The following CAPN3 variants were observed in gnomAD, a reference collection of about 807,000 sequenced individuals.
The protein encoded by CAPN3 is calpain-3.
CAPN3 carries 88 observed loss-of-function variants against 114.0 expected under a neutral mutation model. That is an observed-to-expected ratio of 0.77 (90% CI 0.65 to 0.92). CAPN3 has a LOEUF of 0.92. Among genes scored for constraint, CAPN3 ranks in the 40% least tolerant of loss-of-function variants. The probability of loss-of-function intolerance (pLI) is 0.00; values close to 1 mark genes in which losing one functional copy is unlikely to be tolerated. For missense variants in CAPN3, 1,028 were observed against 1,069.0 expected (o/e 0.96, Z 0.53); for synonymous variants, 386 against 382.9 (o/e 1.01, Z -0.09).
At chr15:42,375,765 A>G (rs748741877) in intron 1 of CAPN3, among the ~76,000 whole-genome samples, 10 of 152,236 alleles carry the variant, frequency 6.6e-5, no homozygotes, top group Non-Finnish European at 1.3e-4. Context: ...AACATCTTGC[A>G]TTAGTACAGT....
intron 8 of CAPN3, among the ~76,000 whole-genome samples, chr15:42,395,079 T>C (rs1267539394): frequency 6.6e-6 from 1 of 152,176 alleles, no homozygotes; most frequent in Non-Finnish European, 1.5e-5. Context: ...CCTGTACTTA[T>C]ATACTGCTGG....
intron 8 of CAPN3, 83 bp from the exon 9 acceptor site, chr15:42,396,715 TTG>T (rs2053703984): frequency 9.5e-7 from 1 of 1,058,120 alleles, no homozygotes; most frequent in Non-Finnish European, 1.5e-6. Context: ...CTGCAACTCT[TTG>T]TATTTCTCTG....
In CAPN3 at chr15:42,394,255, G is replaced by A. The variant is rs1555421263; in HGVS notation, c.1030-1G>A. 1 of 1,555,788 alleles carries A rather than the reference G, an allele frequency of 6.4e-7. No individual in the cohort carries two copies. Among genetic ancestry groups the A allele is most frequent in the Non-Finnish European group, 8.7e-7 (1 of 1,149,072 alleles). On this transcript the variant is annotated splice_acceptor_variant, in intron 7 of 23. Transcript: ENST00000397163. LOFTEE classifies it high-confidence loss of function. Reference sequence around the variant, plus strand: ...ATGAGAGCTCTTTCTGTGTGCTTAAGGTCCCGTTCAAAGGTGAGAAAGTGA... The same window carrying A: ...ATGAGAGCTCTTTCTGTGTGCTTAAAGTCCCGTTCAAAGGTGAGAAAGTGA...
Position 42,401,661 on chromosome 15 carries a change from C to G in CAPN3, c.1375C>G (p.Gln459Glu), listed in dbSNP as rs773631149. Residue 459 changes from glutamine (Q) to glutamate (E), a missense_variant, in exon 11 of 24, where the codon CAG becomes GAG. Transcript: ENST00000397163. Reference sequence around the variant, plus strand: ...TGCAGATACTTTCTGGACCAACCCTCAGTACCGTCTGAAGCTCCTGGAGGA... The same window carrying G: ...TGCAGATACTTTCTGGACCAACCCTGAGTACCGTCTGAAGCTCCTGGAGGA... Reference protein sequence around the residue: ...NFPDTFWTNPQYRLKLLEEDD... With the variant: ...NFPDTFWTNPEYRLKLLEEDD... The G allele has an allele frequency of 1.2e-6, 2 of 1,614,210 alleles. No homozygotes were observed. Among genetic ancestry groups the G allele is most frequent in the East Asian group, 4.5e-5 (2 of 44,882 alleles).
chr15:42,380,747 ATATATTTT>A lies in CAPN3; in HGVS notation c.310-3734_310-3727del, dbSNP rs2095246437. Reference sequence around the variant, plus strand: ...CTTCCCCATATATATATATATATATATATATTTTTTTTTTTTTTTTTTTTGTAAAGATG... The same window carrying A: ...CTTCCCCATATATATATATATATATATTTTTTTTTTTTTTTTGTAAAGATG... On this transcript the variant is annotated intron_variant, in intron 1 of 23. Coordinates refer to ENST00000397163, the MANE Select transcript of CAPN3 (RefSeq NM_000070.3). 8.5e-5 allele frequency among the ~76,000 whole-genome samples: 5 copies of A among 58,516 alleles called. No homozygotes were observed. In the South Asian group the frequency reaches 2.8e-3, roughly 32 times the overall value. 38.4% of individuals were successfully genotyped at this position (58,516 alleles called of 152,430 possible). A position where few individuals can be genotyped will look rare whatever the true frequency, so the allele number is the denominator to read the frequency against.
intron 14 of CAPN3, among the ~76,000 whole-genome samples, 162 bp from the exon 15 acceptor site, chr15:42,405,764 C>T (rs1190104042): frequency 1.3e-5 from 2 of 152,138 alleles, no homozygotes; most frequent in Non-Finnish European, 2.9e-5. Flanking sequence ...CTTCTCCCTT[C>T]ACCCTCCATG....
At chr15:42,385,578 C>A in intron 2 of CAPN3, 1 of 481,050 alleles carries the variant, frequency 2.1e-6, no homozygotes, top group South Asian at 1.5e-5. Context: ...CAAAGTGTTA[C>A]CTCCAACTAC....
intron 12 of CAPN3, 91 bp from the exon 13 acceptor site, chr15:42,402,703 G>A (rs1326561864): frequency 1.9e-6 from 3 of 1,577,944 alleles, no homozygotes; most frequent in Non-Finnish European, 2.6e-6. Context: ...GGTGACCAGG[G>A]AGTTGGGAAG....
At chr15:42,408,382 G>T (rs557801318) in intron 16 of CAPN3, 58 bp downstream of exon 16, 1 of 1,069,328 alleles carries the variant, frequency 9.4e-7, no homozygotes, top group Non-Finnish European at 1.5e-6. Context: ...CTTCCTATGC[G>T]CTTGGGATAC....
At chr15:42,409,219 G>A (rs1475713730) in intron 16 of CAPN3, 84 bp from the exon 17 acceptor site, 7 of 1,288,224 alleles carry the variant, frequency 5.4e-6, no homozygotes, top group African/African-American at 4.4e-5. Context: ...TTAGGCACTT[G>A]GCTCCCTTGG....
chr15:42,400,920 G>A lies in CAPN3; in HGVS notation c.1355-721G>A, dbSNP rs28364480. 1.4e-4 allele frequency among the ~76,000 whole-genome samples: 22 copies of A among 151,754 alleles called. 1 individual carries two copies. The South Asian group carries it at 3.5e-3, about 24-fold the overall frequency. On this transcript the variant is annotated intron_variant, in intron 10 of 23. Transcript: ENST00000397163. ...GAATAAAGGAAAGAAGAGGCCAGAC[G>A]TGGTGGCTTATGCCTGTAATCCCAG...
Position 42,412,033 on chromosome 15 carries a change from TGGTCCGAGCCGC to T in CAPN3, c.*261_*272del. The T allele has an allele frequency of 6.6e-7, 1 of 1,514,766 alleles. No homozygotes were observed. Among genetic ancestry groups the T allele is most frequent in the Non-Finnish European group, 8.8e-7 (1 of 1,136,228 alleles). 93.8% of individuals were successfully genotyped at this position (1,514,766 alleles called of 1,614,324 possible). ...CCATGTGGAGGAAAGTGCCTGCCTC[TGGTCCGAGCCGC>T]CTCGGTTCTGAAGCGAGTGCTCCTG... is the stretch of plus-strand genomic sequence containing the variant. On this transcript the variant is annotated 3_prime_UTR_variant, in exon 24 of 24. Transcript: ENST00000397163.
In CAPN3 at chr15:42,404,718, G is replaced by A. The variant is rs917368807; in HGVS notation, c.1782+941G>A. On this transcript the variant is annotated intron_variant, in intron 14 of 23. Coordinates refer to ENST00000397163, the MANE Select transcript of CAPN3 (RefSeq NM_000070.3). ...GTCCTTTGTGCTCTGTGGGGATGAC[G>A]TAGGCCAATGGGAGGACAAATGCCC... 46 of 1,163,794 alleles carry A rather than the reference G, an allele frequency of 4.0e-5. No individual in the cohort carries two copies. The East Asian group carries it at 7.2e-4, about 18-fold the overall frequency. The allele number at this position is 1,163,794 out of a possible 1,614,324, so 72.1% of individuals were successfully genotyped here. A position where few individuals can be genotyped will look rare whatever the true frequency, so the allele number is the denominator to read the frequency against.
At chr15:42,404,656 T>C in intron 14 of CAPN3, 1 of 1,185,986 alleles carries the variant, frequency 8.4e-7, no homozygotes, top group Non-Finnish European at 1.1e-6. Context: ...AGGAGTCTTG[T>C]GACTGCCTTG....
Position 42,359,978 on chromosome 15 carries a change from A to G in CAPN3, c.173A>G (p.Glu58Gly), listed in dbSNP as rs2052596804. The part of the protein sequence containing the change: ...SRNFPIIGVK[E>G]KTFEQLHKKC... ...AATTTTCCTATTATCGGAGTGAAAG[A>G]GAAGACATTCGAGCAACTTCACAAG... Residue 58 changes from glutamate to glycine, a missense_variant, in exon 1 of 24, where the codon GAG (glutamate) becomes GGG (glycine). Coordinates refer to ENST00000397163, the MANE Select transcript of CAPN3 (RefSeq NM_000070.3). The G allele has an allele frequency of 6.2e-7, 1 of 1,614,248 alleles. No homozygotes were observed. Among genetic ancestry groups the G allele is most frequent in the East Asian group, 2.2e-5 (1 of 44,886 alleles).
chr15:42,365,069 C>T (rs566971899), intron 1 of CAPN3, among the ~76,000 whole-genome samples: 1 of 152,316 alleles, frequency 6.6e-6, no homozygotes, highest in African/African-American at 2.4e-5. Context: ...ACCCTGACAA[C>T]AATGAGGTTC....
intron 6 of CAPN3, among the ~76,000 whole-genome samples, chr15:42,391,481 T>G (rs1205746920): frequency 6.6e-6 from 1 of 152,176 alleles, no homozygotes; most frequent in African/African-American, 2.4e-5. Context: ...GACTGAGATC[T>G]GGAAGAGACT....
intron 1 of CAPN3, among the ~76,000 whole-genome samples, chr15:42,368,760 T>G (rs2141120788): frequency 6.6e-6 from 1 of 152,332 alleles, no homozygotes; most frequent in African/African-American, 2.4e-5. Flanking sequence ...AATGCTCTAT[T>G]AAGAATGTGG....
rs28364469 is a variant in CAPN3 at position 42,397,120 on chromosome 15, C to T, written c.1193+243C>T. On this transcript the variant is annotated intron_variant, in intron 9 of 23. Coordinates refer to ENST00000397163, the MANE Select transcript of CAPN3 (RefSeq NM_000070.3). ...TCTTGCCTCCTGTGTGCCCCTCCGC[C>T]ACACACTCTATTCCAGCCACAGGCA... Among the ~76,000 whole-genome samples, 4,952 of 152,274 alleles carry T rather than the reference C, an allele frequency of 0.033. 84 individuals carry two copies. Among genetic ancestry groups the T allele is most frequent in the Non-Finnish European group, 0.037 (2,521 of 68,016 alleles).
Sources: allele counts gnomAD v4.1 joint callset (sites outside exome capture counted in the v4.1 genomes callset), GRCh38; gene constraint gnomAD v4.1.1; transcripts MANE v1.5; gene names NCBI Gene and HGNC (gene_info 2026-07-23, HGNC 2026-07-21).